PIBF1: variants seen among roughly 807,000 people sequenced by gnomAD.
The protein encoded by PIBF1 is progesterone-induced-blocking factor 1.
In PIBF1, 90 loss-of-function variants were observed where a neutral mutation model predicts 112.5. That is an observed-to-expected ratio of 0.80 (90% confidence interval 0.67 to 0.95). PIBF1 has a LOEUF of 0.95. PIBF1 is among the 40% of genes least tolerant of loss of function. The probability of loss-of-function intolerance (pLI) is 0.00; values close to 1 mark genes in which losing one functional copy is unlikely to be tolerated. For synonymous variants in PIBF1, 301 were observed against 288.6 expected, an observed-to-expected ratio of 1.04 and a Z score of -0.44; for missense variants, 915 against 852.3, an observed-to-expected ratio of 1.07 and a Z score of -0.92.
At chr13:72,963,687 T>G (rs1021746139) in intron 14 of PIBF1, among the ~76,000 whole-genome samples, 8 of 152,028 alleles carry the variant, frequency 5.3e-5, no homozygotes, top group Admixed American at 3.3e-4. Flanking sequence ...ACATATCTAA[T>G]AAGACTATAT....
intron 6 of PIBF1, 146 bp downstream of exon 6, chr13:72,822,128 G>T: frequency 1.7e-6 from 1 of 600,986 alleles, no homozygotes; most frequent in Non-Finnish European, 2.7e-6. Flanking sequence ...CAGTTTGTTG[G>T]GTTTATATTG....
At chr13:73,004,102 C>A (rs1029942786) in intron 17 of PIBF1, among the ~76,000 whole-genome samples, 1 of 152,068 alleles carries the variant, frequency 6.6e-6, no homozygotes, top group South Asian at 2.1e-4. Flanking sequence ...TCTAGGTTGC[C>A]TTGTCAGAAA....
At chr13:72,948,190 G>A (rs867012886) in intron 14 of PIBF1, among the ~76,000 whole-genome samples, 20 of 151,842 alleles carry the variant, frequency 1.3e-4, no homozygotes, top group Admixed American at 1.1e-3. Context: ...AAACCTGCAC[G>A]TTCTGCACAT....
intron 13 of PIBF1, among the ~76,000 whole-genome samples, chr13:72,920,293 A>C (rs9600040): frequency 0.028 from 4,237 of 152,280 alleles, 78 homozygotes; most frequent in Middle Eastern, 0.058. Flanking sequence ...CATTCTTCTC[A>C]TGGTGAGCCA....
intron 14 of PIBF1, among the ~76,000 whole-genome samples, chr13:72,949,480 T>C (rs1214375901): frequency 6.6e-6 from 1 of 152,010 alleles, no homozygotes; most frequent in Admixed American, 6.6e-5. Flanking sequence ...CACACCCAGC[T>C]AATTTTTTGT....
intron 11 of PIBF1, among the ~76,000 whole-genome samples, chr13:72,901,600 A>T (rs2040486600): frequency 6.6e-6 from 1 of 151,970 alleles, no homozygotes; most frequent in African/African-American, 2.4e-5. Flanking sequence ...CAGGAGAATC[A>T]CTGGAACCCG....
At chr13:72,930,647 A>G (rs1013902676) in intron 13 of PIBF1, among the ~76,000 whole-genome samples, 8 of 152,162 alleles carry the variant, frequency 5.3e-5, no homozygotes, top group African/African-American at 1.9e-4. Flanking sequence ...TACTATAGAC[A>G]TTCTCTAAGT....
chr13:72,859,769 T>C (rs1430319864), intron 10 of PIBF1, among the ~76,000 whole-genome samples: 1 of 152,178 alleles, frequency 6.6e-6, no homozygotes, highest in Non-Finnish European at 1.5e-5. Context: ...TAATAGAAGT[T>C]ATATGTAGAA....
At chr13:72,868,151 T>A (rs2039002143) in intron 10 of PIBF1, among the ~76,000 whole-genome samples, 1 of 151,722 alleles carries the variant, frequency 6.6e-6, no homozygotes, top group South Asian at 2.1e-4. Context: ...TACAAAAAAA[T>A]TAACCACGCA....
At chr13:72,905,966 G>T (rs2138642673) in intron 11 of PIBF1, among the ~76,000 whole-genome samples, 1 of 152,232 alleles carries the variant, frequency 6.6e-6, no homozygotes, top group Admixed American at 6.5e-5. Context: ...ATTTATCATT[G>T]TGTCAGCAGT....
chr13:72,893,098 T>C (rs2040123985), intron 10 of PIBF1, among the ~76,000 whole-genome samples: 1 of 152,220 alleles, frequency 6.6e-6, no homozygotes, highest in African/African-American at 2.4e-5. Context: ...AGATACAGTG[T>C]ATGTGTATTT....
intron 2 of PIBF1, among the ~76,000 whole-genome samples, chr13:72,790,083 T>C (rs1431264964): frequency 6.6e-6 from 1 of 152,178 alleles, no homozygotes; most frequent in Non-Finnish European, 1.5e-5. Context: ...CTCTATCAGA[T>C]TTTTCTTATG....
intron 13 of PIBF1, among the ~76,000 whole-genome samples, chr13:72,921,207 A>G (rs1594200192): frequency 6.6e-6 from 1 of 152,036 alleles, no homozygotes; most frequent in African/African-American, 2.4e-5. Flanking sequence ...GGTTCAAGCA[A>G]TTCTCCTGCC....
chr13:72,914,794 G>T (rs1046307037), intron 12 of PIBF1, among the ~76,000 whole-genome samples: 13 of 152,126 alleles, frequency 8.5e-5, no homozygotes, highest in African/African-American at 3.1e-4. Context: ...TGCCTAGAGT[G>T]ATCTCAAACT....
chr13:72,975,852 G>GT (rs2043007305), intron 16 of PIBF1, among the ~76,000 whole-genome samples: 2 of 152,242 alleles, frequency 1.3e-5, no homozygotes, highest in South Asian at 4.1e-4. Flanking sequence ...TTTCGCAAGT[G>GT]TTTTTGAAAT....
chr13:72,997,358 A>G (rs981767971), intron 16 of PIBF1, among the ~76,000 whole-genome samples: 1 of 152,202 alleles, frequency 6.6e-6, no homozygotes, highest in African/African-American at 2.4e-5. Context: ...ATGAAACAAC[A>G]TAATCTTGAA....
intron 13 of PIBF1, among the ~76,000 whole-genome samples, chr13:72,923,484 G>A (rs550087729): frequency 6.6e-6 from 1 of 152,004 alleles, no homozygotes; most frequent in Admixed American, 6.6e-5. Flanking sequence ...ACTTAATCTT[G>A]GTATAAGTGA....
At chr13:72,952,035 C>CTTTTTTTTTTTTTTTTTTTTTT (rs67211238) in intron 14 of PIBF1, among the ~76,000 whole-genome samples, 11 of 123,000 alleles carry the variant, frequency 8.9e-5, no homozygotes, top group Non-Finnish European at 1.7e-4. Flanking sequence ...TTTCTTTTCT[C>CTTTTTTTTTTTTTTTTTTTTTT]TTTTTTTTTT....
At chr13:72,902,168 T>C (rs142466712) in intron 11 of PIBF1, among the ~76,000 whole-genome samples, 68 of 152,224 alleles carry the variant, frequency 4.5e-4, no homozygotes, top group African/African-American at 1.5e-3. Flanking sequence ...TCTACTGATA[T>C]GTGGGAGCTA....
Sources: gnomAD v4.1 joint callset for allele counts (sites outside exome capture counted in the v4.1 genomes callset) on GRCh38, gnomAD v4.1.1 for gene constraint, MANE v1.5 for transcripts, NCBI Gene and HGNC (gene_info 2026-07-23, HGNC 2026-07-21) for gene names.